The following CTNNA2 variants were observed in gnomAD, a reference collection of about 807,000 sequenced individuals.
The protein encoded by CTNNA2 is catenin alpha 2.
CTNNA2 carries 42 observed loss-of-function variants against 101.0 expected under a neutral mutation model. The ratio of observed to expected loss-of-function variants is 0.42; its 90% CI spans 0.32 to 0.54. The LOEUF is 0.54. CTNNA2 is among the 20% of genes least tolerant of loss of function. The probability of loss-of-function intolerance (pLI) is 0.14; values close to 1 mark genes in which losing one functional copy is unlikely to be tolerated. For synonymous variants in CTNNA2, 450 were observed against 456.4 expected (o/e 0.99, Z 0.18); for missense variants, 871 against 1,223.1 (o/e 0.71, Z 4.29).
At position 80,377,144 on chromosome 2, in the gene CTNNA2, A is replaced by G. The variant is rs191156597; in HGVS notation, c.1057-16067A>G. On this transcript the variant is annotated intron_variant, in intron 7 of 18. Coordinates refer to ENST00000402739, the MANE Select transcript of CTNNA2 (RefSeq NM_001282597.3). The stretch of plus-strand genomic sequence containing the variant: ...TGGATTTTAACTTGGTGAAAATTTC[A>G]CAAGTGTTAAATATTACTCAGATGC... Among the ~76,000 whole-genome samples the G allele has an allele frequency of 2.9e-4, 44 of 152,330 alleles. No homozygotes were observed. The East Asian group carries it at 6.4e-3, about 22-fold the overall frequency.
chr2:79,213,686 A>G (rs1253975646), intron 2 of CTNNA2, among the ~76,000 whole-genome samples: 8 of 152,180 alleles, frequency 5.3e-5, no homozygotes, highest in Non-Finnish European at 1.2e-4. Context: ...TATAGTCATG[A>G]GGGTCAGCTG....
chr2:80,125,599 G>A (rs1702066931), intron 7 of CTNNA2, among the ~76,000 whole-genome samples: 1 of 152,142 alleles, frequency 6.6e-6, no homozygotes, highest in African/African-American at 2.4e-5. Context: ...AGATACCACA[G>A]CCTCCTCCTA....
At chr2:79,386,072 G>A (rs892750313) in intron 4 of CTNNA2, among the ~76,000 whole-genome samples, 1 of 152,100 alleles carries the variant, frequency 6.6e-6, no homozygotes, top group Non-Finnish European at 1.5e-5. Context: ...GGGTCAAATG[G>A]TGTTTCTGGT....
intron 17 of CTNNA2, among the ~76,000 whole-genome samples, chr2:80,613,376 T>G (rs1451146984): frequency 6.6e-6 from 1 of 151,458 alleles, no homozygotes; most frequent in African/African-American, 2.4e-5. Flanking sequence ...AGTGACAGTT[T>G]ACCAATTCAA....
At chr2:79,982,013 C>A (rs1011048596) in intron 7 of CTNNA2, among the ~76,000 whole-genome samples, 13 of 149,772 alleles carry the variant, frequency 8.7e-5, no homozygotes, top group African/African-American at 2.7e-4. Flanking sequence ...CAGCCAAGTT[C>A]TTGGTTCATG....
chr2:79,813,095 C>T (rs907069883), intron 3 of CTNNA2, among the ~76,000 whole-genome samples: 2 of 152,168 alleles, frequency 1.3e-5, no homozygotes, highest in Non-Finnish European at 2.9e-5. Context: ...GGACATGAGA[C>T]TTTCAGTGCT....
chr2:79,602,611 A>C (rs1189343766), intron 1 of CTNNA2, among the ~76,000 whole-genome samples: 1 of 152,206 alleles, frequency 6.6e-6, no homozygotes, highest in Non-Finnish European at 1.5e-5. Context: ...AAAATTGTTT[A>C]AAGTACAAAC....
chr2:79,407,603 G>T, intron 4 of CTNNA2, among the ~76,000 whole-genome samples: 1 of 152,030 alleles, frequency 6.6e-6, no homozygotes, highest in Admixed American at 6.6e-5. Flanking sequence ...GCAATGAAGA[G>T]GAAGAAGGAG....
intron 2 of CTNNA2, among the ~76,000 whole-genome samples, chr2:79,295,071 G>T (rs1675946849): frequency 6.6e-6 from 1 of 151,950 alleles, no homozygotes; most frequent in African/African-American, 2.4e-5. Context: ...CATGCAAATT[G>T]CTACATGGCT....
chr2:80,179,549 A>G (rs1458661622), intron 7 of CTNNA2, among the ~76,000 whole-genome samples: 5 of 151,840 alleles, frequency 3.3e-5, no homozygotes, highest in African/African-American at 9.7e-5. Flanking sequence ...AATTTTTTGT[A>G]TTTTTAGTAG....
intron 7 of CTNNA2, among the ~76,000 whole-genome samples, chr2:79,964,191 C>T (rs527820855): frequency 6.6e-6 from 1 of 152,260 alleles, no homozygotes; most frequent in Non-Finnish European, 1.5e-5. Context: ...CTAGGTTGAT[C>T]TTATTGAAGG....
At position 80,043,040 on chromosome 2, in the gene CTNNA2, CTTCT is replaced by C. The variant is rs1173555945; in HGVS notation, c.1056+133296_1056+133299del. 3.7e-3 allele frequency among the ~76,000 whole-genome samples: 197 copies of C among 52,804 alleles called. 1 individual carries two copies. The highest frequency in any genetic ancestry group is 9.4e-3 in the Middle Eastern group (1 of 106). 34.6% of individuals were successfully genotyped at this position (52,804 alleles called of 152,430 possible). ...TTCCCTTTCTTTCTTTCTTTCTTTC[CTTCT>C]TTCTTTCTTTCTTTCTTTCTTTCTT... is the stretch of plus-strand genomic sequence containing the variant. On this transcript the variant is annotated intron_variant, in intron 7 of 18. Transcript: ENST00000402739.
chr2:79,291,880 C>G (rs1035487545), intron 2 of CTNNA2, among the ~76,000 whole-genome samples: 10 of 152,030 alleles, frequency 6.6e-5, no homozygotes. Context: ...GTTTCTATTG[C>G]CATGGCAGCC....
At chr2:79,972,734 T>C (rs1030201437) in intron 7 of CTNNA2, among the ~76,000 whole-genome samples, 7 of 152,162 alleles carry the variant, frequency 4.6e-5, no homozygotes, top group Admixed American at 4.6e-4. Flanking sequence ...GATCTTCAGG[T>C]TTTGTTTCCA....
At chr2:79,385,178 G>GT (rs1341531906) in intron 4 of CTNNA2, among the ~76,000 whole-genome samples, 3 of 152,194 alleles carry the variant, frequency 2.0e-5, no homozygotes, top group African/African-American at 7.2e-5. Flanking sequence ...AGTGTCTAGT[G>GT]TATTGGGTCT....
At chr2:79,260,995 G>T (rs983888841) in intron 2 of CTNNA2, among the ~76,000 whole-genome samples, 1 of 152,164 alleles carries the variant, frequency 6.6e-6, no homozygotes, top group African/African-American at 2.4e-5. Context: ...CCAATCTGTG[G>T]AGAAGAATTA....
At chr2:79,681,530 A>G (rs1461069269) in intron 2 of CTNNA2, among the ~76,000 whole-genome samples, 1 of 152,244 alleles carries the variant, frequency 6.6e-6, no homozygotes, top group Non-Finnish European at 1.5e-5. Context: ...GAGGTGAATG[A>G]GACAAGCACA....
chr2:79,948,526 G>A (rs1184012870), intron 7 of CTNNA2, among the ~76,000 whole-genome samples: 1 of 152,224 alleles, frequency 6.6e-6, no homozygotes, highest in Non-Finnish European at 1.5e-5. Flanking sequence ...ATGGCGCATA[G>A]CGTTATGATT....
chr2:79,237,375 C>A (rs1050074899), intron 2 of CTNNA2, among the ~76,000 whole-genome samples: 2 of 152,164 alleles, frequency 1.3e-5, no homozygotes, highest in African/African-American at 4.8e-5. Context: ...AGGCTTTGTT[C>A]ATTCATTTAT....
Sources: gnomAD v4.1 joint callset for allele counts (sites outside exome capture counted in the v4.1 genomes callset) on GRCh38, gnomAD v4.1.1 for gene constraint, MANE v1.5 for transcripts, NCBI Gene and HGNC (gene_info 2026-07-23, HGNC 2026-07-21) for gene names.